IGF1R: variants seen among roughly 807,000 people sequenced by gnomAD.
IGF1R encodes the protein insulin like growth factor 1 receptor, also known as insulin-like growth factor 1 receptor.
In IGF1R, 44 loss-of-function variants were observed where a neutral mutation model predicts 144.6. The ratio of observed to expected loss-of-function variants is 0.30; its 90% CI spans 0.24 to 0.39. IGF1R has a LOEUF of 0.39. IGF1R is among the 10% of genes least tolerant of loss of function. IGF1R has a pLI of 1.00. For synonymous variants in IGF1R, 795 were observed against 722.8 expected (o/e 1.10, Z -1.60); for missense variants, 1,355 against 1,833.7 (o/e 0.74, Z 4.77).
At position 98,801,607 on chromosome 15, in the gene IGF1R, A is replaced by G. The variant is rs188175797; in HGVS notation, c.641-89718A>G. ...TGCTTGTCTGTGCCACCCTCAAACA[A>G]TGATTTCCCCAAATTGGACAGCCTG... On this transcript the variant is annotated intron_variant, in intron 2 of 20. Coordinates refer to ENST00000650285, the MANE Select transcript of IGF1R (RefSeq NM_000875.5). Among the ~76,000 whole-genome samples the G allele has an allele frequency of 1.5e-4, 23 of 152,312 alleles. No homozygotes were observed. In the East Asian group the frequency reaches 3.9e-3, roughly 26 times the overall value.
chr15:98,788,315 TAGA>T (rs1254931455), intron 2 of IGF1R, among the ~76,000 whole-genome samples: 1 of 152,072 alleles, frequency 6.6e-6, no homozygotes, highest in Non-Finnish European at 1.5e-5. Flanking sequence ...TGTAGGATGT[TAGA>T]GGAGGAGGTG....
chr15:98,791,175 C>T (rs891489045), intron 2 of IGF1R, among the ~76,000 whole-genome samples: 2 of 152,164 alleles, frequency 1.3e-5, no homozygotes, highest in Admixed American at 1.3e-4. Context: ...AAGACATATT[C>T]TTTAAGGGTC....
chr15:98,727,082 G>C (rs1248058608), intron 2 of IGF1R, among the ~76,000 whole-genome samples: 1 of 152,066 alleles, frequency 6.6e-6, no homozygotes, highest in Non-Finnish European at 1.5e-5. Context: ...AGGTACCTTT[G>C]TTTGGTTCAT....
rs150931900 is a variant in IGF1R, at chr15:98,793,342, G to C, written c.640+85235G>C. Among the ~76,000 whole-genome samples, 521 of 152,316 alleles carry C rather than the reference G, an allele frequency of 3.4e-3. 7 individuals are homozygous for C. The highest frequency in any genetic ancestry group is 0.012 in the African/African-American group (492 of 41,568). On this transcript the variant is annotated intron_variant, in intron 2 of 20. Transcript: ENST00000650285. The stretch of plus-strand genomic sequence containing the variant: ...AGTCCATTTTAAAAGCATCTTTGAA[G>C]GTGTGTAATGAAAATGGAGGCCTTA...
At chr15:98,650,709 G>A (rs2052339788) in intron 1 of IGF1R, among the ~76,000 whole-genome samples, 1 of 152,250 alleles carries the variant, frequency 6.6e-6, no homozygotes. Context: ...GCGGCGCGGG[G>A]AGGGTGTTGT....
At chr15:98,694,829 T>G (rs1171172473) in intron 1 of IGF1R, among the ~76,000 whole-genome samples, 1 of 152,200 alleles carries the variant, frequency 6.6e-6, no homozygotes, top group South Asian at 2.1e-4. Context: ...AGGCCGACTT[T>G]CCTGTGGCTT....
intron 2 of IGF1R, among the ~76,000 whole-genome samples, chr15:98,733,584 G>T (rs1395016549): frequency 6.6e-6 from 1 of 151,580 alleles, no homozygotes; most frequent in Non-Finnish European, 1.5e-5. Context: ...CACTGCTATT[G>T]CATGGCCCCC....
intron 2 of IGF1R, among the ~76,000 whole-genome samples, chr15:98,885,700 A>G (rs939995828): frequency 6.6e-6 from 1 of 152,220 alleles, no homozygotes; most frequent in Non-Finnish European, 1.5e-5. Flanking sequence ...ACATCTGCAG[A>G]ATAAGTTCTT....
At chr15:98,713,086 G>GT (rs945904729) in intron 2 of IGF1R, among the ~76,000 whole-genome samples, 10 of 151,952 alleles carry the variant, frequency 6.6e-5, no homozygotes, top group Non-Finnish European at 7.4e-5. Flanking sequence ...CTTGGCCCCA[G>GT]TGGTGCTCTC....
intron 1 of IGF1R, among the ~76,000 whole-genome samples, chr15:98,676,330 G>A (rs1210466558): frequency 2.0e-5 from 3 of 151,916 alleles, no homozygotes; most frequent in Admixed American, 1.3e-4. Flanking sequence ...TAGAAATGGG[G>A]TTTCACTATG....
Position 98,649,189 on chromosome 15 carries a change from C to T in IGF1R, c.-393C>T, listed in dbSNP as rs547683621. 11 of 219,832 alleles carry T rather than the reference C, an allele frequency of 5.0e-5. No individual in the cohort carries two copies. In the East Asian group the frequency reaches 5.7e-4, roughly 11 times the overall value. 13.6% of individuals were successfully genotyped at this position (219,832 alleles called of 1,614,324 possible). On this transcript the variant is annotated 5_prime_UTR_variant, in exon 1 of 21. Transcript: ENST00000650285. ...GGCGTCCGGCCGCCTCCCGCGCGGC[C>T]AGGGCCGGGCTTGTTTTTCCTCGCC...
intron 3 of IGF1R, among the ~76,000 whole-genome samples, chr15:98,895,383 T>C (rs1257584105): frequency 1.3e-5 from 2 of 151,858 alleles, no homozygotes; most frequent in African/African-American, 4.8e-5. Flanking sequence ...CTTTGCAGCT[T>C]TTTGTGACTC....
At chr15:98,807,679 C>A (rs1324210726) in intron 2 of IGF1R, among the ~76,000 whole-genome samples, 1 of 152,202 alleles carries the variant, frequency 6.6e-6, no homozygotes. Flanking sequence ...ATGAGCTAAT[C>A]CCTGTGAGGA....
chr15:98,793,976 A>T (rs954276823), intron 2 of IGF1R, among the ~76,000 whole-genome samples: 3 of 152,204 alleles, frequency 2.0e-5, no homozygotes, highest in African/African-American at 2.4e-5. Flanking sequence ...AGTTTTTGAG[A>T]TGAAGCAGGG....
chr15:98,675,027 A>G (rs2052999897), intron 1 of IGF1R, among the ~76,000 whole-genome samples: 1 of 114,336 alleles, frequency 8.7e-6, no homozygotes, highest in Non-Finnish European at 1.6e-5. Context: ...TCTGTTGCCC[A>G]GGCTGGAGTG....
rs2151719218 is a variant in IGF1R, at chr15:98,943,043, C to T, written c.3578C>T (p.Ser1193Leu). 6.2e-7 allele frequency: 1 copy of T among 1,614,198 alleles called. No homozygotes were observed. The highest frequency in any genetic ancestry group is 8.5e-7 in the Non-Finnish European group (1 of 1,180,022). ...SLKDGVFTTY[S>L]DVWSFGVVLW... is the part of the protein sequence containing the mutation. Reference sequence around the variant, plus strand: ...AAGGATGGAGTCTTCACCACTTACTCGGACGTCTGGTATGAGAACCTTTAC... The same window carrying T: ...AAGGATGGAGTCTTCACCACTTACTTGGACGTCTGGTATGAGAACCTTTAC... The change falls in exon 19 of 21, where the codon TCG (serine) becomes TTG (leucine). Residue 1193 changes from serine (S) to leucine (L), a missense_variant. By Grantham distance (145) the Ser-to-Leu change is moderately radical. Around this residue, in one of 7 missense-constraint regions of IGF1R, gnomAD observed 77 missense variants for 163.2 expected, o/e 0.47. Coordinates refer to ENST00000650285, the MANE Select transcript of IGF1R (RefSeq NM_000875.5).
rs1555454784 is a variant in IGF1R, at chr15:98,868,344, A to AAAG, written c.641-22981_641-22980insAAG. Among the ~76,000 whole-genome samples, 157 of 132,856 alleles carry AAAG rather than the reference A, an allele frequency of 1.2e-3. 2 individuals carry two copies. The highest frequency in any genetic ancestry group is 4.0e-3 in the African/African-American group (151 of 37,628). The allele number at this position is 132,856 out of a possible 152,430, so 87.2% of individuals were successfully genotyped here. On this transcript the variant is annotated intron_variant, in intron 2 of 20. Coordinates refer to ENST00000650285, the MANE Select transcript of IGF1R (RefSeq NM_000875.5). ...CTTGTCTCCAAAAAAAAAAAAAAAA[A>AAAG]GCCAAATCTGTTGGGTTTTTTTTTT... is the stretch of plus-strand genomic sequence containing the variant.
chr15:98,808,138 TCTC>T (rs1452195095), intron 2 of IGF1R, among the ~76,000 whole-genome samples: 2 of 152,182 alleles, frequency 1.3e-5, no homozygotes, highest in African/African-American at 4.8e-5. Flanking sequence ...GTTAGGGTAT[TCTC>T]CTTGAGGAGC....
chr15:98,896,388 C>G (rs2014198522), intron 3 of IGF1R, among the ~76,000 whole-genome samples: 1 of 152,188 alleles, frequency 6.6e-6, no homozygotes, highest in African/African-American at 2.4e-5. Flanking sequence ...CAGAAAGCAG[C>G]TCTGTTTTCC....
Sources: gnomAD v4.1 joint callset for allele counts (sites outside exome capture counted in the v4.1 genomes callset) on GRCh38, gnomAD v4.1.1 for gene constraint, gnomAD v4.1.1 regional missense constraint, MANE v1.5 for transcripts, NCBI Gene and HGNC (gene_info 2026-07-23, HGNC 2026-07-21) for gene names.